The following SYT9 variants were observed in gnomAD, a reference collection of about 807,000 sequenced individuals.
SYT9 encodes the protein synaptotagmin 9.
SYT9 carries 22 observed loss-of-function variants against 48.4 expected under a neutral mutation model. The ratio of observed to expected loss-of-function variants is 0.45; its 90% CI spans 0.32 to 0.65. The LOEUF is 0.65. SYT9 is among the 30% of genes least tolerant of loss of function. The pLI is 0.03. For synonymous variants in SYT9, 265 were observed against 245.0 expected, an observed-to-expected ratio of 1.08 and a Z score of -0.76; for missense variants, 577 against 622.0, an observed-to-expected ratio of 0.93 and a Z score of 0.77.
chr11:7,277,462 A>G (rs1386486693), intron 1 of SYT9, among the ~76,000 whole-genome samples: 2 of 152,228 alleles, frequency 1.3e-5, no homozygotes, highest in Non-Finnish European at 2.9e-5. Context: ...CGACTTAACA[A>G]AATCTAAACA....
chr11:7,397,927 T>A (rs1279546101), intron 3 of SYT9, among the ~76,000 whole-genome samples: 3 of 152,216 alleles, frequency 2.0e-5, no homozygotes, highest in Non-Finnish European at 4.4e-5. Context: ...GCATTGGAAG[T>A]TAAGATGATT....
chr11:7,402,731 GT>G (rs897071456), intron 3 of SYT9, among the ~76,000 whole-genome samples: 1 of 151,902 alleles, frequency 6.6e-6, no homozygotes, highest in African/African-American at 2.4e-5. Flanking sequence ...TTTTAAGTAG[GT>G]TTTTTGTAGA....
intron 6 of SYT9, among the ~76,000 whole-genome samples, chr11:7,464,169 T>A (rs187004388): frequency 6.6e-6 from 1 of 152,146 alleles, no homozygotes; most frequent in African/African-American, 2.4e-5. Context: ...TGCACAGAAC[T>A]GTGGGGGCAA....
At chr11:7,300,724 G>A (rs764810851) in intron 1 of SYT9, among the ~76,000 whole-genome samples, 6 of 152,136 alleles carry the variant, frequency 3.9e-5, no homozygotes, top group Non-Finnish European at 7.4e-5. Flanking sequence ...GAGAGGGCGG[G>A]GATTGATGTT....
rs556409948 is a variant in SYT9, at chr11:7,355,070, G to A, written c.1044+41129G>A. On this transcript the variant is annotated intron_variant, in intron 3 of 6. Transcript: ENST00000318881. ...CATTAATTATTATTTCTTCAAGGTC[G>A]ACAACCAAGATAAAAGTACGTTTCC... Among the ~76,000 whole-genome samples the A allele has an allele frequency of 3.9e-5, 6 of 152,206 alleles. No homozygotes were observed. The South Asian group carries it at 8.3e-4, about 21-fold the overall frequency.
intron 3 of SYT9, among the ~76,000 whole-genome samples, chr11:7,410,855 CT>C (rs914996232): frequency 1.4e-4 from 21 of 149,886 alleles, no homozygotes; most frequent in African/African-American, 2.9e-4. Context: ...TTCAATATCT[CT>C]TTTTTTTTTC....
chr11:7,402,155 A>G (rs547659609), intron 3 of SYT9, among the ~76,000 whole-genome samples: 36 of 152,148 alleles, frequency 2.4e-4, no homozygotes, highest in African/African-American at 8.2e-4. Context: ...CCAGATGTCT[A>G]TGAGTAAATT....
At chr11:7,362,911 T>A (rs1850171026) in intron 3 of SYT9, among the ~76,000 whole-genome samples, 1 of 150,756 alleles carries the variant, frequency 6.6e-6, no homozygotes, top group Non-Finnish European at 1.5e-5. Flanking sequence ...TATGTTAAAT[T>A]TTTGTCTCTT....
At chr11:7,419,985 G>C (rs1029200091) in intron 5 of SYT9, among the ~76,000 whole-genome samples, 2 of 152,186 alleles carry the variant, frequency 1.3e-5, no homozygotes, top group African/African-American at 4.8e-5. Flanking sequence ...GCTGAACTTA[G>C]AAGAAAGGAG....
chr11:7,393,967 T>C (rs1392233685), intron 3 of SYT9, among the ~76,000 whole-genome samples: 1 of 152,006 alleles, frequency 6.6e-6, no homozygotes, highest in Non-Finnish European at 1.5e-5. Context: ...TTTCTTTTTT[T>C]TTTTTTAATA....
Position 7,395,724 on chromosome 11 carries a change from A to G in SYT9, c.1045-20318A>G, listed in dbSNP as rs1021404077. Among the ~76,000 whole-genome samples, 21 of 152,212 alleles carry G rather than the reference A, an allele frequency of 1.4e-4. No homozygotes were observed. The East Asian group carries it at 3.5e-3, about 25-fold the overall frequency. ...TTCTCCATCCATTTACTTTGAGCCT[A>G]TAAGTGTCATTGCATGTAAGATGGG... On this transcript the variant is annotated intron_variant, in intron 3 of 6. Coordinates refer to ENST00000318881, the MANE Select transcript of SYT9 (RefSeq NM_175733.4).
rs1564853999 is a variant in SYT9, at chr11:7,303,286, C to T, written c.393C>T (p.His131=). ...PCPDSSMKIS[H]TSPDIPLSTQ... Reference sequence around the variant, plus strand: ...CTGACTCCTCCATGAAGATCAGCCACACCTCCCCTGACATTCCCCTCTCCA... The same window carrying T: ...CTGACTCCTCCATGAAGATCAGCCATACCTCCCCTGACATTCCCCTCTCCA... Residue 131 remains histidine, a synonymous_variant, in exon 2 of 7, where the codon CAC becomes CAT. Coordinates refer to ENST00000318881, the MANE Select transcript of SYT9 (RefSeq NM_175733.4). 6 of 1,614,032 alleles carry T rather than the reference C, an allele frequency of 3.7e-6. No individual in the cohort carries two copies. The highest frequency in any genetic ancestry group is 4.2e-6 in the Non-Finnish European group (5 of 1,180,044).
chr11:7,348,477 G>T (rs1239619019), intron 3 of SYT9, among the ~76,000 whole-genome samples: 2 of 152,092 alleles, frequency 1.3e-5, no homozygotes, highest in East Asian at 1.9e-4. Flanking sequence ...TAATCCTGCT[G>T]ATATTAAAGA....
At chr11:7,422,681 G>A (rs1187058972) in intron 6 of SYT9, among the ~76,000 whole-genome samples, 6 of 152,248 alleles carry the variant, frequency 3.9e-5, no homozygotes, top group Non-Finnish European at 8.8e-5. Flanking sequence ...TGAGAAAGGA[G>A]TAAGGATGAG....
intron 3 of SYT9, among the ~76,000 whole-genome samples, chr11:7,389,460 C>A (rs942055226): frequency 1.3e-5 from 2 of 152,002 alleles, no homozygotes; most frequent in African/African-American, 4.8e-5. Context: ...AGATGCTACC[C>A]CCATTATCTC....
At chr11:7,352,831 C>A (rs1323128082) in intron 3 of SYT9, among the ~76,000 whole-genome samples, 1 of 152,120 alleles carries the variant, frequency 6.6e-6, no homozygotes, top group Non-Finnish European at 1.5e-5. Context: ...TGGTACTGGT[C>A]CCTGAAGGTC....
intron 6 of SYT9, chr11:7,453,899 T>C (rs1848103416): frequency 1.4e-6 from 1 of 735,544 alleles, no homozygotes; most frequent in Non-Finnish European, 1.7e-6. Context: ...GCATGGCCCC[T>C]AAGTTCAGAT....
At chr11:7,308,905 C>G (rs1435792430) in intron 2 of SYT9, among the ~76,000 whole-genome samples, 1 of 152,152 alleles carries the variant, frequency 6.6e-6, no homozygotes, top group African/African-American at 2.4e-5. Context: ...AGAGCTGGGA[C>G]TAGTTAATTC....
In SYT9 at chr11:7,338,820, G is replaced by A. The variant is rs1018969405; in HGVS notation, c.1044+24879G>A. 2.6e-5 allele frequency among the ~76,000 whole-genome samples: 4 copies of A among 152,102 alleles called. No individual in the cohort carries two copies. In the South Asian group the frequency reaches 8.3e-4, roughly 32 times the overall value. ...TAGTGATGAGAAGAATATATATTCT[G>A]TTTTTGAGTGGAGAGTTCTGTAGAT... On this transcript the variant is annotated intron_variant, in intron 3 of 6. Transcript: ENST00000318881.
Sources: gnomAD v4.1 joint callset for allele counts (sites outside exome capture counted in the v4.1 genomes callset) on GRCh38, gnomAD v4.1.1 for gene constraint, MANE v1.5 for transcripts, NCBI Gene and HGNC (gene_info 2026-07-23, HGNC 2026-07-21) for gene names.